Variants in FKBP1B observed in about 807,000 individuals in gnomAD.
The protein encoded by FKBP1B is peptidyl-prolyl cis-trans isomerase FKBP1B.
In FKBP1B, 4 loss-of-function variants were observed where a neutral mutation model predicts 13.5. That is an observed-to-expected ratio of 0.30 (90% confidence interval 0.15 to 0.68). The LOEUF (loss-of-function observed/expected upper bound fraction) is 0.68, where lower values mean the gene tolerates loss of function less well. Ranked by LOEUF, FKBP1B falls within the 30% of genes least tolerant of loss-of-function variation. The probability of loss-of-function intolerance (pLI) is 0.76; values close to 1 mark genes in which losing one functional copy is unlikely to be tolerated. For missense variants in FKBP1B, 93 were observed against 136.2 expected (o/e 0.68, Z 1.58); for synonymous variants, 54 against 53.6 (o/e 1.01, Z -0.03).
the FKBP1B span, chr2:24,038,258 ATGT>A: frequency 1.2e-6 from 2 of 1,614,174 alleles, no homozygotes; most frequent in Non-Finnish European, 1.7e-6. Flanking sequence ...GAAGGAAGAA[ATGT>A]TGTATCAGTG....
In FKBP1B at chr2:24,059,601, T is replaced by C. The variant is rs1047365702; in HGVS notation, c.86-1213T>C. ...AGGTGGAGGAAGTGGCATAAAAAAG[T>C]TGAAAAGTCTGGCTGGGCATGATAG... is the stretch of plus-strand genomic sequence containing the variant. On this transcript the variant is annotated intron_variant, in intron 2 of 3. Transcript: ENST00000380986. 1.2e-4 allele frequency among the ~76,000 whole-genome samples: 18 copies of C among 151,980 alleles called. No individual in the cohort carries two copies. The South Asian group carries it at 2.7e-3, about 23-fold the overall frequency.
chr2:24,045,533 G>A (rs1340404168), upstream of FKBP1B, among the ~76,000 whole-genome samples: 8 of 151,270 alleles, frequency 5.3e-5, no homozygotes, highest in Admixed American at 2.6e-4. Context: ...CCCGGCTGGC[G>A]GAGGTTGCAG....
the FKBP1B span, among the ~76,000 whole-genome samples, chr2:24,036,938 T>C: frequency 2.0e-5 from 3 of 152,270 alleles, no homozygotes; most frequent in Non-Finnish European, 4.4e-5. Flanking sequence ...AAAGTGTCCA[T>C]GATAAAAACA....
At chr2:24,038,182 G>A in the FKBP1B span, 1 of 1,614,182 alleles carries the variant, frequency 6.2e-7, no homozygotes, top group Non-Finnish European at 8.5e-7. Flanking sequence ...TGATGTTATT[G>A]AAGGTTCTTC....
chr2:24,047,942 C>A (rs779794636), upstream of FKBP1B, among the ~76,000 whole-genome samples: 1 of 152,138 alleles, frequency 6.6e-6, no homozygotes, highest in Non-Finnish European at 1.5e-5. Flanking sequence ...CTGACCCTCA[C>A]AGTACAGTCG....
At position 24,063,481 on chromosome 2, in the gene FKBP1B, G is replaced by GAC; in HGVS notation, c.*289_*290insAC. On this transcript the variant is annotated 3_prime_UTR_variant, in exon 4 of 4. Coordinates refer to ENST00000380986, the MANE Select transcript of FKBP1B (RefSeq NM_004116.5). ...ATGACAGAACACAGATCTCTTGTTC[G>GAC]CACAATCTACACTGCCTTACCTTCA... is the stretch of plus-strand genomic sequence containing the variant. 6.1e-6 allele frequency: 2 copies of GAC among 327,440 alleles called. No homozygotes were observed. Among genetic ancestry groups the GAC allele is most frequent in the Non-Finnish European group, 5.5e-6 (1 of 180,816 alleles). The allele number at this position is 327,440 out of a possible 1,614,324, so 20.3% of individuals were successfully genotyped here.
the FKBP1B span, chr2:24,037,706 C>A: frequency 1.9e-6 from 3 of 1,613,404 alleles, no homozygotes; most frequent in Non-Finnish European, 1.7e-6. Context: ...TAAGGAAGAT[C>A]TTGAGAGAGT....
chr2:24,034,131 T>G, the FKBP1B span, among the ~76,000 whole-genome samples: 9 of 152,330 alleles, frequency 5.9e-5, no homozygotes, highest in Admixed American at 2.6e-4. Context: ...TTTTTAAAAG[T>G]ATAATAGGGC....
chr2:24,037,743 A>G, the FKBP1B span: 2 of 1,614,234 alleles, frequency 1.2e-6, no homozygotes, highest in South Asian at 1.1e-5. Context: ...ATTTCTTCCC[A>G]TTATGCAGAC....
chr2:24,033,218 A>G, the FKBP1B span: 1 of 544,044 alleles, frequency 1.8e-6, no homozygotes, highest in Admixed American at 2.3e-5. Context: ...AATAACACTA[A>G]AAGGATGATG....
chr2:24,047,040 A>C (rs570472420), upstream of FKBP1B, among the ~76,000 whole-genome samples: 1 of 152,250 alleles, frequency 6.6e-6, no homozygotes, highest in East Asian at 1.9e-4. Context: ...CTTAAGGCTT[A>C]AAGCATTTCC....
In FKBP1B at chr2:24,049,773, G is replaced by C. The variant is rs1663759522; in HGVS notation, c.-77G>C. The C allele has an allele frequency of 2.5e-6, 3 of 1,203,844 alleles. No individual in the cohort carries two copies. Among genetic ancestry groups the C allele is most frequent in the Non-Finnish European group, 3.2e-6 (3 of 945,110 alleles). The allele number at this position is 1,203,844 out of a possible 1,614,324, so 74.6% of individuals were successfully genotyped here. On this transcript the variant is annotated 5_prime_UTR_variant, in exon 1 of 4. Coordinates refer to ENST00000380986, the MANE Select transcript of FKBP1B (RefSeq NM_004116.5). ...CGGCGAGGAGGCGAGCCGGAGCGACGGCGGGGCTGGGGCCGGAGCCGAGCC... is the reference window on the plus strand; with the variant it reads ...CGGCGAGGAGGCGAGCCGGAGCGACCGCGGGGCTGGGGCCGGAGCCGAGCC...
upstream of FKBP1B, among the ~76,000 whole-genome samples, chr2:24,045,178 G>C (rs1663572881): frequency 6.6e-6 from 1 of 152,170 alleles, no homozygotes; most frequent in African/African-American, 2.4e-5. Context: ...ATGCTTTTAA[G>C]GCAGATGGAA....
At chr2:24,044,120 A>G in the FKBP1B span, among the ~76,000 whole-genome samples, 1 of 152,198 alleles carries the variant, frequency 6.6e-6, no homozygotes, top group African/African-American at 2.4e-5. Context: ...GGGCAGAGAA[A>G]ATTCCTAATG....
chr2:24,053,969 C>T lies in FKBP1B; in HGVS notation c.85+20C>T, dbSNP rs761135318. 2 of 1,612,468 alleles carry T rather than the reference C, an allele frequency of 1.2e-6. No homozygotes were observed. The highest frequency in any genetic ancestry group is 8.5e-7 in the Non-Finnish European group (1 of 1,178,456). ...ACACAGGTAAGTCTCACCCCCTCAG[C>T]CCCCACCCAGTCCTTCCCCTCCCAA... On this transcript the variant is annotated intron_variant, in intron 2 of 3. Transcript: ENST00000380986.
intron 2 of FKBP1B, among the ~76,000 whole-genome samples, chr2:24,057,485 T>G (rs545689719): frequency 6.6e-6 from 1 of 152,312 alleles, no homozygotes; most frequent in Admixed American, 6.5e-5. Context: ...GCAATTCTCC[T>G]GCCTCAGTCT....
the FKBP1B span, chr2:24,038,105 T>C: frequency 2.5e-6 from 4 of 1,614,216 alleles, no homozygotes; most frequent in South Asian, 4.4e-5. Flanking sequence ...AGACTTTCAA[T>C]TAACTTTTTT....
chr2:24,058,347 A>G (rs1573693168), intron 2 of FKBP1B, among the ~76,000 whole-genome samples: 1 of 152,220 alleles, frequency 6.6e-6, no homozygotes, highest in East Asian at 1.9e-4. Context: ...GGTAGGGGTT[A>G]AAGTTCATTT....
chr2:24,048,464 C>T (rs1181928387), upstream of FKBP1B, among the ~76,000 whole-genome samples: 2 of 112,386 alleles, frequency 1.8e-5, no homozygotes, highest in African/African-American at 7.6e-5. Flanking sequence ...AGTGAAGATT[C>T]TGTCTCAAAA....
Sources: gnomAD v4.1 joint callset for allele counts (sites outside exome capture counted in the v4.1 genomes callset) on GRCh38, gnomAD v4.1.1 for gene constraint, MANE v1.5 for transcripts, NCBI Gene and HGNC (gene_info 2026-07-23, HGNC 2026-07-21) for gene names.